VAC14: variants seen among roughly 807,000 people sequenced by gnomAD.
The protein encoded by VAC14 is VAC14 component of PIKFYVE complex, also known as protein VAC14 homolog.
VAC14 carries 47 observed loss-of-function variants against 85.3 expected under a neutral mutation model. The ratio of observed to expected loss-of-function variants is 0.55; its 90% CI spans 0.44 to 0.70. The LOEUF is 0.70. VAC14 is among the 30% of genes least tolerant of loss of function. VAC14 has a pLI of 0.00. For missense variants in VAC14, 861 were observed against 1,004.3 expected (o/e 0.86, Z 1.93); for synonymous variants, 447 against 430.5 (o/e 1.04, Z -0.47).
At chr16:70,772,305 G>A in intron 9 of VAC14, 133 bp from the exon 10 acceptor site, 1 of 735,932 alleles carries the variant, frequency 1.4e-6, no homozygotes, top group Admixed American at 2.5e-5. Context: ...AAGGACCATG[G>A]CTCTGGAGCC....
intron 10 of VAC14, chr16:70,768,288 C>G (rs969162238): frequency 6.4e-6 from 1 of 156,350 alleles, no homozygotes; most frequent in Non-Finnish European, 1.4e-5. Flanking sequence ...GGGGAAATCA[C>G]GCTACTTGAC....
chr16:70,717,131 C>T (rs2054183657), intron 14 of VAC14, among the ~76,000 whole-genome samples: 1 of 152,278 alleles, frequency 6.6e-6, no homozygotes, highest in Non-Finnish European at 1.5e-5. Flanking sequence ...GCCCATGACA[C>T]CTGCTCCTGT....
chr16:70,744,289 AC>A, intron 13 of VAC14, 133 bp downstream of exon 13: 1 of 1,298,286 alleles, frequency 7.7e-7, no homozygotes, highest in African/African-American at 1.5e-5. Flanking sequence ...GCCAGTAGCA[AC>A]CCACAGACCC....
intron 12 of VAC14, among the ~76,000 whole-genome samples, chr16:70,759,692 C>A (rs775105896): frequency 6.6e-6 from 1 of 152,126 alleles, no homozygotes; most frequent in African/African-American, 2.4e-5. Flanking sequence ...CCTCTCCATA[C>A]TCTCCACGCT....
chr16:70,703,916 G>A (rs914502012), intron 14 of VAC14, among the ~76,000 whole-genome samples: 6 of 152,230 alleles, frequency 3.9e-5, no homozygotes, highest in African/African-American at 1.2e-4. Flanking sequence ...ACCAGGGTAG[G>A]AGAGACGTGG....
chr16:70,792,141 C>G (rs1596966830), intron 1 of VAC14, among the ~76,000 whole-genome samples: 1 of 152,290 alleles, frequency 6.6e-6, no homozygotes, highest in Non-Finnish European at 1.5e-5. Context: ...CTGCCCTAGT[C>G]AGCCAGCCTG....
At chr16:70,786,075 C>CT in intron 2 of VAC14, 140 bp downstream of exon 2, 1 of 1,441,438 alleles carries the variant, frequency 6.9e-7, no homozygotes, top group Non-Finnish European at 9.3e-7. Flanking sequence ...GCCAGCCTTG[C>CT]TGGTCTCAGG....
intron 14 of VAC14, chr16:70,716,485 G>C (rs1312974494): frequency 2.0e-5 from 3 of 152,402 alleles, no homozygotes; most frequent in Non-Finnish European, 4.4e-5. Context: ...TGTTGGCCTG[G>C]CCCAGGCCCT....
Position 70,786,316 on chromosome 16 carries a change from C to G in VAC14, c.154G>C (p.Val52Leu), listed in dbSNP as rs74461197. The change falls in exon 2 of 19, where the codon GTG becomes CTG. Residue 52 changes from valine (V) to leucine (L), a missense_variant. By Grantham distance (32) the Val-to-Leu change is conservative. Coordinates refer to ENST00000261776, the MANE Select transcript of VAC14 (RefSeq NM_018052.5). ...AACTCCTGGGACAGGGTCTGGATCA[C>G]ATGCTTGATTTGCACGGTATTGTTC... The part of the protein sequence containing the change: ...AQNNTVQIKH[V>L]IQTLSQEFAL... 1 of 1,614,232 alleles carries G rather than the reference C, an allele frequency of 6.2e-7. No homozygotes were observed. The highest frequency in any genetic ancestry group is 1.7e-5 in the Admixed American group (1 of 60,026).
intron 13 of VAC14, among the ~76,000 whole-genome samples, chr16:70,734,333 A>G (rs1372039933): frequency 2.0e-5 from 3 of 150,118 alleles, no homozygotes; most frequent in Admixed American, 1.3e-4. Flanking sequence ...GGGTCTCCCT[A>G]TGTTGCCCAG....
At chr16:70,708,633 G>A (rs11640251) in intron 14 of VAC14, among the ~76,000 whole-genome samples, 73,119 of 152,174 alleles carry the variant, frequency 0.48, 18,467 homozygotes, top group Non-Finnish European at 0.55. Flanking sequence ...CCCAGAATAC[G>A]GCTGGATGCA....
At chr16:70,796,549 T>C (rs2034554145) in intron 1 of VAC14, among the ~76,000 whole-genome samples, 1 of 152,180 alleles carries the variant, frequency 6.6e-6, no homozygotes, top group African/African-American at 2.4e-5. Context: ...TCTTGCTAGG[T>C]TCTAGCTGTG....
chr16:70,691,673 G>C, intron 18 of VAC14: 1 of 985,464 alleles, frequency 1.0e-6, no homozygotes. Flanking sequence ...GGGGAAATGG[G>C]GCAGGGAAGG....
chr16:70,737,618 A>C (rs1442020540), intron 13 of VAC14, among the ~76,000 whole-genome samples: 1 of 152,122 alleles, frequency 6.6e-6, no homozygotes, highest in African/African-American at 2.4e-5. Context: ...GGGCACAGAG[A>C]CGCACTCCAC....
At chr16:70,712,950 GGAGCTTTCCTCTCTA>G (rs2054067655) in intron 14 of VAC14, among the ~76,000 whole-genome samples, 1 of 152,166 alleles carries the variant, frequency 6.6e-6, no homozygotes, top group Non-Finnish European at 1.5e-5. Context: ...CCACGATAGT[GGAGCTTTCCTCTCTA>G]GAGGGGCTGC....
At chr16:70,718,980 T>C (rs191401091) in intron 14 of VAC14, among the ~76,000 whole-genome samples, 1 of 152,200 alleles carries the variant, frequency 6.6e-6, no homozygotes, top group Non-Finnish European at 1.5e-5. Context: ...TTTGGTGCCT[T>C]TGACCTGGGT....
chr16:70,691,161 G>GCC, intron 18 of VAC14: 1 of 985,532 alleles, frequency 1.0e-6, no homozygotes, highest in Non-Finnish European at 1.2e-6. Context: ...CTGCAAACTT[G>GCC]TTCTACCCTG....
intron 13 of VAC14, 44 bp from the exon 14 acceptor site, chr16:70,731,671 T>G: frequency 6.3e-7 from 1 of 1,597,424 alleles, no homozygotes; most frequent in Middle Eastern, 1.7e-4. Flanking sequence ...TGATTATGTG[T>G]CCACAGGGTG....
At chr16:70,789,599 C>T (rs547337290) in intron 1 of VAC14, among the ~76,000 whole-genome samples, 55 of 152,312 alleles carry the variant, frequency 3.6e-4, no homozygotes, top group African/African-American at 1.2e-3. Flanking sequence ...TTAGTTTAAT[C>T]GTGAGAGACT....
Sources: allele counts gnomAD v4.1 joint callset (sites outside exome capture counted in the v4.1 genomes callset), GRCh38; gene constraint gnomAD v4.1.1; transcripts MANE v1.5; gene names NCBI Gene and HGNC (gene_info 2026-07-23, HGNC 2026-07-21).